PSD3: variants seen among roughly 807,000 people sequenced by gnomAD.
PSD3 encodes pleckstrin and Sec7 domain containing 3.
In PSD3, 49 loss-of-function variants were observed where a neutral mutation model predicts 105.5. The ratio of observed to expected loss-of-function variants is 0.46; its 90% confidence interval spans 0.37 to 0.59. PSD3 has a LOEUF of 0.59. PSD3 is among the 20% of genes least tolerant of loss of function. The probability of loss-of-function intolerance (pLI) is 0.00; values close to 1 mark genes in which losing one functional copy is unlikely to be tolerated. For missense variants in PSD3, 1,561 were observed against 1,263.8 expected (o/e 1.24, Z -3.57); for synonymous variants, 557 against 457.8 (o/e 1.22, Z -2.77).
At chr8:18,962,668 C>T (rs1172841824) in intron 1 of PSD3, among the ~76,000 whole-genome samples, 1 of 152,138 alleles carries the variant, frequency 6.6e-6, no homozygotes, top group Non-Finnish European at 1.5e-5. Flanking sequence ...ATACCTCCTC[C>T]CACTGTGAAG....
chr8:18,735,836 C>T (rs1413384518), intron 9 of PSD3, among the ~76,000 whole-genome samples: 2 of 152,012 alleles, frequency 1.3e-5, no homozygotes, highest in African/African-American at 2.4e-5. Context: ...TTTAAGTCAA[C>T]TAAGAAACAC....
intron 2 of PSD3, among the ~76,000 whole-genome samples, chr8:18,888,037 G>A (rs964938793): frequency 6.6e-6 from 1 of 152,170 alleles, no homozygotes; most frequent in Non-Finnish European, 1.5e-5. Context: ...TTCAAACACA[G>A]GCAATGTGCC....
intron 10 of PSD3, among the ~76,000 whole-genome samples, chr8:18,640,131 T>C (rs1234991316): frequency 6.6e-6 from 1 of 152,184 alleles, no homozygotes; most frequent in Non-Finnish European, 1.5e-5. Flanking sequence ...TTCTAGTATT[T>C]CATGATTGTA....
intron 11 of PSD3, among the ~76,000 whole-genome samples, chr8:18,620,360 T>TTC (rs1554524298): frequency 2.7e-5 from 4 of 149,890 alleles, no homozygotes; most frequent in Non-Finnish European, 3.0e-5. Flanking sequence ...TTTTTTTTTT[T>TTC]CCCCAGGCTG....
At chr8:19,037,567 G>A (rs2129476553) in intron 1 of PSD3, among the ~76,000 whole-genome samples, 1 of 152,346 alleles carries the variant, frequency 6.6e-6, no homozygotes, top group Middle Eastern at 3.4e-3. Flanking sequence ...GGTAGACTGA[G>A]TACAGAAAAT....
intron 14 of PSD3, among the ~76,000 whole-genome samples, chr8:18,566,394 C>T (rs147698537): frequency 0.078 from 11,842 of 151,704 alleles, 1,080 homozygotes; most frequent in African/African-American, 0.21. Flanking sequence ...GGTATGGTGG[C>T]GGGCGCCTGT....
At chr8:19,035,811 A>G (rs1827922889) in intron 1 of PSD3, among the ~76,000 whole-genome samples, 1 of 152,022 alleles carries the variant, frequency 6.6e-6, no homozygotes, top group African/African-American at 2.4e-5. Flanking sequence ...CTGGAGTGCT[A>G]TGACCCGATC....
At chr8:18,813,851 G>T (rs1186155586) in intron 4 of PSD3, among the ~76,000 whole-genome samples, 1 of 152,132 alleles carries the variant, frequency 6.6e-6, no homozygotes, top group Non-Finnish European at 1.5e-5. Context: ...TATGATGCTT[G>T]GCATGTAAGA....
rs531217162 is a variant in PSD3, at chr8:18,592,501, G to C, written c.2481+7863C>G. On this transcript the variant is annotated intron_variant, in intron 12 of 15. Transcript: ENST00000327040. ...AGGAAGGAAACAGACATCCAGATTC[G>C]AGAAGCCTAATGACAACCAGGATTA... Among the ~76,000 whole-genome samples the C allele has an allele frequency of 8.5e-5, 13 of 152,116 alleles. 1 individual carries two copies. Among genetic ancestry groups the C allele is most frequent in the East Asian group, 3.9e-4 (2 of 5,192 alleles).
upstream of PSD3, among the ~76,000 whole-genome samples, chr8:19,018,075 T>C (rs1198857395): frequency 6.6e-6 from 1 of 152,208 alleles, no homozygotes; most frequent in African/African-American, 2.4e-5. Context: ...ATTGTTTTTG[T>C]GTTTGATTAC....
chr8:19,011,373 G>A (rs369050387), intron 1 of PSD3, among the ~76,000 whole-genome samples: 3 of 152,122 alleles, frequency 2.0e-5, no homozygotes, highest in South Asian at 4.1e-4. Flanking sequence ...GTAGTACCAT[G>A]GACATGTTTT....
chr8:18,973,749 G>A (rs867841134), intron 1 of PSD3, among the ~76,000 whole-genome samples: 1 of 152,218 alleles, frequency 6.6e-6, no homozygotes, highest in South Asian at 2.1e-4. Context: ...AATTAGACAT[G>A]AAGTGGGAGT....
chr8:18,743,826 G>A (rs1384070592), intron 9 of PSD3, among the ~76,000 whole-genome samples: 1 of 151,434 alleles, frequency 6.6e-6, no homozygotes, highest in Non-Finnish European at 1.5e-5. Flanking sequence ...GCACATGCCT[G>A]CAGTCCCAGC....
chr8:18,791,116 C>A (rs906720062), intron 8 of PSD3, among the ~76,000 whole-genome samples: 1 of 152,108 alleles, frequency 6.6e-6, no homozygotes, highest in Non-Finnish European at 1.5e-5. Context: ...TTACAGAAGA[C>A]TGGAAGAGTC....
chr8:18,742,723 C>T (rs9657492), intron 9 of PSD3, among the ~76,000 whole-genome samples: 141,976 of 152,262 alleles, frequency 0.93, 66,261 homozygotes, highest in African/African-American at 0.95. Context: ...GTTTTAATCA[C>T]TCTAATAAAA....
At chr8:18,788,775 G>C (rs894377044) in intron 8 of PSD3, among the ~76,000 whole-genome samples, 2 of 152,150 alleles carry the variant, frequency 1.3e-5, no homozygotes, top group Non-Finnish European at 2.9e-5. Flanking sequence ...ATAAATGGTG[G>C]AAAGGCATAC....
chr8:18,573,401 C>T (rs1034394111), intron 13 of PSD3, among the ~76,000 whole-genome samples: 10 of 152,138 alleles, frequency 6.6e-5, no homozygotes, highest in East Asian at 1.9e-4. Flanking sequence ...ACCTGGGAGG[C>T]GGAGGTTGCA....
intron 15 of PSD3, among the ~76,000 whole-genome samples, chr8:18,541,615 C>A (rs1036492119): frequency 6.6e-6 from 1 of 152,158 alleles, no homozygotes. Context: ...AGATGCCACA[C>A]GTGTCAGATC....
chr8:19,061,934 C>T (rs1223111434), intron 1 of PSD3, among the ~76,000 whole-genome samples: 1 of 152,102 alleles, frequency 6.6e-6, no homozygotes, highest in African/African-American at 2.4e-5. Flanking sequence ...TCTACATAAA[C>T]TTCCCAACAA....
Sources: allele counts gnomAD v4.1 joint callset (sites outside exome capture counted in the v4.1 genomes callset), GRCh38; gene constraint gnomAD v4.1.1; transcripts MANE v1.5; gene names NCBI Gene and HGNC (gene_info 2026-07-23, HGNC 2026-07-21).